SPAG16: variants seen among roughly 807,000 people sequenced by gnomAD.
SPAG16 encodes the protein sperm associated antigen 16.
In SPAG16, 86 loss-of-function variants were observed where a neutral mutation model predicts 80.4. The observed-to-expected ratio is 1.07, with a 90% CI of 0.90 to 1.28. The LOEUF (loss-of-function observed/expected upper bound fraction) is 1.28, where lower values mean the gene tolerates loss of function less well. SPAG16 is among the 50% of genes most tolerant of loss of function. The pLI is 0.00. For synonymous variants in SPAG16, 294 were observed against 265.9 expected, an observed-to-expected ratio of 1.11 and a Z score of -1.03; for missense variants, 870 against 765.3, an observed-to-expected ratio of 1.14 and a Z score of -1.61.
chr2:214,172,715 C>T (rs2056919381), intron 15 of SPAG16, among the ~76,000 whole-genome samples: 1 of 152,030 alleles, frequency 6.6e-6, no homozygotes. Flanking sequence ...ACAGTCCCAC[C>T]AACAGTGTAA....
chr2:214,149,544 A>G (rs1420682229), intron 15 of SPAG16, among the ~76,000 whole-genome samples: 1 of 152,100 alleles, frequency 6.6e-6, no homozygotes, highest in African/African-American at 2.4e-5. Context: ...AAAATATTCA[A>G]ACCTCCATTC....
intron 15 of SPAG16, among the ~76,000 whole-genome samples, chr2:214,318,373 CTTT>C (rs34923875): frequency 3.7e-3 from 256 of 69,824 alleles, no homozygotes; most frequent in East Asian, 0.021. Context: ...AGAGTGAATT[CTTT>C]TTTTTTTTTT....
chr2:213,908,812 G>T (rs891934411), intron 11 of SPAG16, among the ~76,000 whole-genome samples: 87 of 146,638 alleles, frequency 5.9e-4, no homozygotes, highest in African/African-American at 2.1e-3. Context: ...TAGGGTACAT[G>T]TGCACAATGT....
chr2:213,325,620 A>ATG lies in SPAG16; in HGVS notation c.536+8287_536+8288dup, dbSNP rs10534467. Among the ~76,000 whole-genome samples the ATG allele has an allele frequency of 6.6e-3, 980 of 149,082 alleles. 7 individuals carry two copies. Among genetic ancestry groups the ATG allele is most frequent in the African/African-American group, 0.022 (897 of 40,784 alleles). ...AAATATAACTTGATTTTGGAAAAAT[A>ATG]TGTGTGTGTGTGTGTGTGTGTGTGC... On this transcript the variant is annotated intron_variant, in intron 5 of 15. Transcript: ENST00000331683.
intron 15 of SPAG16, among the ~76,000 whole-genome samples, chr2:214,185,363 T>A (rs1274570077): frequency 6.6e-6 from 1 of 152,102 alleles, no homozygotes; most frequent in Non-Finnish European, 1.5e-5. Context: ...ATTTCTTAGT[T>A]ACTGGGTAGA....
chr2:213,843,512 G>A lies in SPAG16; in HGVS notation c.1071-18973G>A, dbSNP rs547062544. 9.0e-4 allele frequency among the ~76,000 whole-genome samples: 137 copies of A among 152,302 alleles called. 1 individual carries two copies. Among genetic ancestry groups the A allele is most frequent in the African/African-American group, 3.2e-3 (131 of 41,570 alleles). Reference sequence around the variant, plus strand: ...TATTATTTTAGTCTTTCAAATGCCAGTGTTTGTCTTTTTTCTCAAGTTTTT... The same window carrying A: ...TATTATTTTAGTCTTTCAAATGCCAATGTTTGTCTTTTTTCTCAAGTTTTT... On this transcript the variant is annotated intron_variant, in intron 10 of 15. Transcript: ENST00000331683.
intron 10 of SPAG16, among the ~76,000 whole-genome samples, chr2:213,628,946 T>C (rs1559324440): frequency 6.6e-6 from 1 of 152,078 alleles, no homozygotes; most frequent in Non-Finnish European, 1.5e-5. Flanking sequence ...TGAAGATATA[T>C]ATAGCACTGA....
chr2:213,431,671 C>T (rs1023468845), intron 9 of SPAG16, among the ~76,000 whole-genome samples: 3 of 151,982 alleles, frequency 2.0e-5, no homozygotes, highest in Admixed American at 6.6e-5. Context: ...CAACACCCTA[C>T]GGACACACTA....
intron 10 of SPAG16, among the ~76,000 whole-genome samples, chr2:213,682,865 CT>C (rs975412647): frequency 1.3e-5 from 2 of 152,106 alleles, no homozygotes; most frequent in African/African-American, 4.8e-5. Context: ...CTTAAAATTG[CT>C]GTGTTTGTCC....
chr2:213,765,147 G>C (rs1283824047), intron 10 of SPAG16, among the ~76,000 whole-genome samples: 3 of 152,212 alleles, frequency 2.0e-5, no homozygotes, highest in Non-Finnish European at 2.9e-5. Context: ...GAGGCGGGCG[G>C]ATCACAAGGT....
At chr2:213,979,629 A>C (rs1008513299) in intron 12 of SPAG16, among the ~76,000 whole-genome samples, 1 of 152,014 alleles carries the variant, frequency 6.6e-6, no homozygotes, top group African/African-American at 2.4e-5. Context: ...GCATGGGGGA[A>C]ACCGCCTCCC....
At chr2:214,357,918 A>G (rs530263018) in intron 15 of SPAG16, among the ~76,000 whole-genome samples, 1 of 152,006 alleles carries the variant, frequency 6.6e-6, no homozygotes, top group Admixed American at 6.6e-5. Flanking sequence ...CAGGTCACAT[A>G]ATTCATGTGA....
chr2:213,849,489 G>A (rs1490066746), intron 10 of SPAG16, among the ~76,000 whole-genome samples: 10 of 151,906 alleles, frequency 6.6e-5, no homozygotes, highest in Non-Finnish European at 1.5e-5. Flanking sequence ...AATTAATATT[G>A]GCTTTCTAAT....
chr2:213,649,429 T>C (rs1387191565), intron 10 of SPAG16, among the ~76,000 whole-genome samples: 1 of 152,220 alleles, frequency 6.6e-6, no homozygotes, highest in Non-Finnish European at 1.5e-5. Context: ...TTATGAATTA[T>C]TTTTTTCTCA....
intron 13 of SPAG16, among the ~76,000 whole-genome samples, chr2:214,048,497 A>G (rs1381131966): frequency 1.3e-5 from 2 of 152,124 alleles, no homozygotes; most frequent in East Asian, 3.9e-4. Context: ...TGTGGAAGCT[A>G]AAAATTAAAA....
intron 15 of SPAG16, among the ~76,000 whole-genome samples, chr2:214,291,285 A>C (rs1576694060): frequency 1.7e-5 from 2 of 119,726 alleles, no homozygotes; most frequent in African/African-American, 6.1e-5. Context: ...AGCAGTATAT[A>C]TTTAGATCAT....
intron 7 of SPAG16, among the ~76,000 whole-genome samples, chr2:213,353,744 C>A (rs1188810814): frequency 6.6e-6 from 1 of 152,120 alleles, no homozygotes. Context: ...GATGGAATAT[C>A]TTCCTATCTT....
At chr2:213,890,206 T>G (rs973352747) in intron 11 of SPAG16, among the ~76,000 whole-genome samples, 9 of 152,072 alleles carry the variant, frequency 5.9e-5, no homozygotes, top group Admixed American at 3.3e-4. Context: ...AGCTAATGAC[T>G]TTAGTGGCAT....
chr2:213,518,098 A>G (rs2075510257), intron 10 of SPAG16, among the ~76,000 whole-genome samples: 1 of 152,186 alleles, frequency 6.6e-6, no homozygotes, highest in South Asian at 2.1e-4. Flanking sequence ...GAAACTTAAC[A>G]AGCAAAAAAC....
Sources: gnomAD v4.1 joint callset for allele counts (sites outside exome capture counted in the v4.1 genomes callset) on GRCh38, gnomAD v4.1.1 for gene constraint, MANE v1.5 for transcripts, NCBI Gene and HGNC (gene_info 2026-07-23, HGNC 2026-07-21) for gene names.